Variants in EDARADD observed in about 807,000 individuals in gnomAD.
The protein encoded by EDARADD is EDAR associated via death domain.
In EDARADD, 20 loss-of-function variants were observed where a neutral mutation model predicts 25.6. That is an observed-to-expected ratio of 0.78 (90% CI 0.55 to 1.14). EDARADD has a LOEUF of 1.14. Ranked by LOEUF, EDARADD falls within the 50% of genes most tolerant of loss-of-function variation. The pLI, the probability that EDARADD is intolerant of heterozygous loss-of-function variation, is 0.00. For missense variants in EDARADD, 225 were observed against 270.1 expected (o/e 0.83, Z 1.17); for synonymous variants, 86 against 94.4 (o/e 0.91, Z 0.52).
chr1:236,474,924 G>A (rs1410899606), intron 5 of EDARADD, among the ~76,000 whole-genome samples: 1 of 152,084 alleles, frequency 6.6e-6, no homozygotes, highest in Admixed American at 6.6e-5. Flanking sequence ...CTTGAGGATG[G>A]GCGTTGGAGA....
chr1:236,377,812 C>T (rs767042966), intron 3 of EDARADD, among the ~76,000 whole-genome samples: 4 of 151,658 alleles, frequency 2.6e-5, no homozygotes, highest in African/African-American at 4.8e-5. Context: ...GAGCCAAGAT[C>T]GTGCCACTGC....
chr1:236,484,549 C>A lies in EDARADD; in HGVS notation c.*1900C>A, dbSNP rs1571965704. On this transcript the variant is annotated 3_prime_UTR_variant, in exon 6 of 6. Coordinates refer to ENST00000334232, the MANE Select transcript of EDARADD (RefSeq NM_145861.4). This position sits in a 1 kb window ranked among gnomAD's most constrained non-coding sequence, Gnocchi z 4.1. ...TGTGTCAACTCCGGCAGCTCAAGAC[C>A]CCCGAGCAACATTTGTAGGGGCCGC... The A allele has an allele frequency of 8.5e-7, 1 of 1,173,624 alleles. No individual in the cohort carries two copies. The highest frequency in any genetic ancestry group is 2.4e-5 in the East Asian group (1 of 41,662). The allele number at this position is 1,173,624 out of a possible 1,614,324, so 72.7% of individuals were successfully genotyped here. A position where few individuals can be genotyped will look rare whatever the true frequency, so the allele number is the denominator to read the frequency against.
intron 1 of EDARADD, among the ~76,000 whole-genome samples, chr1:236,396,637 T>C (rs747778338): frequency 6.6e-6 from 1 of 151,982 alleles, no homozygotes; most frequent in Non-Finnish European, 1.5e-5. Flanking sequence ...AACAACTAAG[T>C]TGGCATTGTG....
intron 4 of EDARADD, among the ~76,000 whole-genome samples, chr1:236,466,455 A>ACACACACACT (rs2103034589): frequency 6.6e-6 from 1 of 152,112 alleles, no homozygotes; most frequent in Non-Finnish European, 1.5e-5. Context: ...ACACACACAC[A>ACACACACACT]CACACTCACA....
intron 3 of EDARADD, among the ~76,000 whole-genome samples, chr1:236,422,794 A>C (rs745806780): frequency 6.6e-6 from 1 of 152,190 alleles, no homozygotes; most frequent in Non-Finnish European, 1.5e-5. Flanking sequence ...CAGATGGAAC[A>C]TGCCAGAGTG....
At chr1:236,419,152 C>T (rs764598233) in intron 3 of EDARADD, among the ~76,000 whole-genome samples, 2 of 151,936 alleles carry the variant, frequency 1.3e-5, no homozygotes, top group Admixed American at 6.6e-5. Flanking sequence ...TTCAAGAGGC[C>T]GAGGCAGGAG....
At chr1:236,436,821 T>G (rs960786808) in intron 4 of EDARADD, among the ~76,000 whole-genome samples, 3 of 152,016 alleles carry the variant, frequency 2.0e-5, no homozygotes, top group Non-Finnish European at 1.5e-5. Context: ...AGGGAGGAAA[T>G]GGAGCAGAGT....
At chr1:236,434,723 G>C (rs1658195516) in intron 4 of EDARADD, among the ~76,000 whole-genome samples, 1 of 152,156 alleles carries the variant, frequency 6.6e-6, no homozygotes, top group Admixed American at 6.5e-5. Context: ...AGAGAGCTTA[G>C]GTGATGAGGC....
Position 236,448,602 on chromosome 1 carries a change from T to A in EDARADD, c.220-19629T>A, listed in dbSNP as rs111817170. 3.8e-3 allele frequency among the ~76,000 whole-genome samples: 575 copies of A among 152,292 alleles called. 5 individuals carry two copies. The highest frequency in any genetic ancestry group is 0.013 in the African/African-American group (552 of 41,570). ...GAAATATAACAAAATACATATATGA[T>A]CTATGTGAGGAAAACTATAAAAACT... On this transcript the variant is annotated intron_variant, in intron 4 of 5. Transcript: ENST00000334232.
intron 4 of EDARADD, among the ~76,000 whole-genome samples, chr1:236,430,867 C>G (rs1274060058): frequency 6.6e-6 from 1 of 152,100 alleles, no homozygotes; most frequent in African/African-American, 2.4e-5. Context: ...CCTATAATCC[C>G]AACACTTTGT....
chr1:236,472,176 G>A (rs971416023), intron 5 of EDARADD, among the ~76,000 whole-genome samples: 2 of 152,172 alleles, frequency 1.3e-5, no homozygotes, highest in African/African-American at 4.8e-5. Flanking sequence ...CAGGTTGAGA[G>A]TGTGGAGAAG....
upstream of EDARADD, among the ~76,000 whole-genome samples, chr1:236,391,092 G>A (rs560434898): frequency 2.0e-5 from 3 of 152,102 alleles, no homozygotes; most frequent in East Asian, 1.9e-4. Context: ...GAGTACAGGC[G>A]CCTGCCACCA....
At chr1:236,417,117 AAAATAAAT>A (rs59744483) in intron 3 of EDARADD, among the ~76,000 whole-genome samples, 24,595 of 150,540 alleles carry the variant, frequency 0.16, 2,374 homozygotes, top group African/African-American at 0.26. Context: ...CCCTGTCTCA[AAAATAAAT>A]AAATAAATAA....
rs531120259 is a variant in EDARADD at position 236,484,500 on chromosome 1, G to T, written c.*1851G>T. On this transcript the variant is annotated 3_prime_UTR_variant, in exon 6 of 6. Transcript: ENST00000334232. The surrounding 1 kb of genome is among the most constrained non-coding windows in gnomAD (Gnocchi z 4.1). ...GGGCAGGCAAGCCCTTCAGTCACCT[G>T]GTGGCTAATTAGACCCCTCCCCTTG... 12 of 1,573,652 alleles carry T rather than the reference G, an allele frequency of 7.6e-6. No homozygotes were observed. In the Admixed American group the frequency reaches 1.8e-4, roughly 24 times the overall value.
chr1:236,427,958 A>ATTTAT (rs1310265724), intron 4 of EDARADD, among the ~76,000 whole-genome samples: 3 of 103,904 alleles, frequency 2.9e-5, no homozygotes, highest in African/African-American at 1.0e-4. Context: ...TTTTTAATTT[A>ATTTAT]TTTATTTTAT....
chr1:236,406,568 G>T (rs1667743627), intron 1 of EDARADD, among the ~76,000 whole-genome samples: 1 of 152,182 alleles, frequency 6.6e-6, no homozygotes, highest in Non-Finnish European at 1.5e-5. Flanking sequence ...AGTGCTATTT[G>T]TGTGTCTAAA....
At chr1:236,447,941 T>A (rs1658611471) in intron 4 of EDARADD, among the ~76,000 whole-genome samples, 3 of 152,084 alleles carry the variant, frequency 2.0e-5, no homozygotes, top group Non-Finnish European at 4.4e-5. Context: ...GTTCAAGTGA[T>A]TCTCCTGCCT....
At chr1:236,438,744 A>C (rs941577270) in intron 4 of EDARADD, among the ~76,000 whole-genome samples, 1 of 152,104 alleles carries the variant, frequency 6.6e-6, no homozygotes, top group Non-Finnish European at 1.5e-5. Flanking sequence ...CAAATTTCCC[A>C]TTCACTCCCT....
chr1:236,476,193 C>CAAAT (rs148065571), intron 5 of EDARADD, among the ~76,000 whole-genome samples: 45,798 of 145,956 alleles, frequency 0.31, 7,439 homozygotes, highest in Non-Finnish European at 0.36. Context: ...GACTCCATCT[C>CAAAT]AAATAAATAA....
Sources: gnomAD v4.1 joint callset for allele counts (sites outside exome capture counted in the v4.1 genomes callset) on GRCh38, gnomAD v4.1.1 for gene constraint, Gnocchi (gnomAD v3.1) non-coding constraint, MANE v1.5 for transcripts, NCBI Gene and HGNC (gene_info 2026-07-23, HGNC 2026-07-21) for gene names.